The following RXFP1 variants were observed in gnomAD, a reference collection of about 807,000 sequenced individuals.
The protein encoded by RXFP1 is relaxin receptor 1.
A neutral mutation model predicts 89.8 loss-of-function variants in RXFP1; 73 were observed. The observed-to-expected ratio is 0.81, with a 90% CI of 0.67 to 0.99. The LOEUF is 0.99. Ranked by LOEUF, RXFP1 falls within the 50% of genes least tolerant of loss-of-function variation. The pLI, the probability that RXFP1 is intolerant of heterozygous loss-of-function variation, is 0.00. For missense variants in RXFP1, 793 were observed against 895.5 expected, an observed-to-expected ratio of 0.89 and a Z score of 1.46; for synonymous variants, 277 against 305.5, an observed-to-expected ratio of 0.91 and a Z score of 0.97.
intron 1 of RXFP1, among the ~76,000 whole-genome samples, chr4:158,568,033 A>G (rs1467053103): frequency 1.3e-5 from 2 of 152,156 alleles, no homozygotes; most frequent in Non-Finnish European, 2.9e-5. Flanking sequence ...AGCCATCAAG[A>G]CCACGAACCC....
intron 1 of RXFP1, among the ~76,000 whole-genome samples, chr4:158,538,025 C>T (rs905201393): frequency 1.3e-5 from 2 of 152,164 alleles, no homozygotes; most frequent in Non-Finnish European, 2.9e-5. Context: ...ACTCAAGACT[C>T]TAAAGTCAGA....
At chr4:158,523,313 C>A (rs1243703492) in intron 1 of RXFP1, among the ~76,000 whole-genome samples, 5 of 152,006 alleles carry the variant, frequency 3.3e-5, no homozygotes, top group Admixed American at 1.3e-4. Context: ...ATTAAATAAG[C>A]CAGAGGAATA....
chr4:158,619,330 G>T (rs558806225), intron 9 of RXFP1, among the ~76,000 whole-genome samples: 39 of 152,278 alleles, frequency 2.6e-4, no homozygotes, highest in African/African-American at 8.9e-4. Context: ...ATTTTGTGGA[G>T]CCCATCAGTA....
chr4:158,571,826 CAGCAGCTGTACCTGGA>C (rs1180697382), intron 1 of RXFP1, among the ~76,000 whole-genome samples: 1 of 152,178 alleles, frequency 6.6e-6, no homozygotes, highest in African/African-American at 2.4e-5. Context: ...ATGTAAATGT[CAGCAGCTGTACCTGGA>C]AGCCAGATAC....
intron 10 of RXFP1, 137 bp downstream of exon 10, chr4:158,627,028 T>C: frequency 2.2e-6 from 1 of 462,440 alleles, no homozygotes; most frequent in South Asian, 4.3e-5. Flanking sequence ...AAACACTAAA[T>C]TGAAGTCTTA....
chr4:158,628,509 T>C (rs1418959547), intron 10 of RXFP1, 129 bp from the exon 11 acceptor site: 2 of 425,768 alleles, frequency 4.7e-6, no homozygotes, highest in Non-Finnish European at 4.3e-6. Context: ...TTTATACTAC[T>C]TCAAAATGTC....
chr4:158,647,294 T>A, intron 16 of RXFP1, 93 bp downstream of exon 16: 1 of 1,028,378 alleles, frequency 9.7e-7, no homozygotes, highest in Non-Finnish European at 1.4e-6. Context: ...TCTATCAGAA[T>A]CCCCAGCAAG....
At chr4:158,531,532 C>A (rs1744046656) in intron 1 of RXFP1, among the ~76,000 whole-genome samples, 1 of 152,086 alleles carries the variant, frequency 6.6e-6, no homozygotes, top group Non-Finnish European at 1.5e-5. Flanking sequence ...GGTTTTTGTC[C>A]TTTTTTTCCT....
intron 1 of RXFP1, among the ~76,000 whole-genome samples, chr4:158,571,049 C>T (rs900154713): frequency 6.6e-5 from 10 of 152,184 alleles, no homozygotes; most frequent in Admixed American, 5.9e-4. Context: ...ACAGCGGCCT[C>T]CCTCTAACTA....
chr4:158,653,334 G>A lies in RXFP1; in HGVS notation c.*1279G>A, dbSNP rs962273442. 6.6e-6 allele frequency: 1 copy of A among 152,156 alleles called. No individual in the cohort carries two copies. The highest frequency in any genetic ancestry group is 1.5e-5 in the Non-Finnish European group (1 of 68,028). The allele number at this position is 152,156 out of a possible 1,614,324, so 9.4% of individuals were successfully genotyped here. A position where few individuals can be genotyped will look rare whatever the true frequency, so the allele number is the denominator to read the frequency against. On this transcript the variant is annotated 3_prime_UTR_variant, in exon 18 of 18. Transcript: ENST00000307765. The stretch of plus-strand genomic sequence containing the variant: ...ATTGAATATATAGTTGTATAGATTT[G>A]TTCTGAAAATAAATTATCTGAAATT...
At chr4:158,542,287 A>G (rs2149836725) in intron 1 of RXFP1, among the ~76,000 whole-genome samples, 1 of 151,212 alleles carries the variant, frequency 6.6e-6, no homozygotes, top group South Asian at 2.1e-4. Context: ...CACACATTGC[A>G]TTCAGCGGCC....
intron 1 of RXFP1, among the ~76,000 whole-genome samples, chr4:158,538,766 T>G (rs1745882107): frequency 6.8e-6 from 1 of 147,166 alleles, no homozygotes; most frequent in South Asian, 2.1e-4. Context: ...ATCGCGCCAT[T>G]GCACTCCAGC....
chr4:158,610,806 T>G, intron 6 of RXFP1: 1 of 870,678 alleles, frequency 1.1e-6, no homozygotes, highest in Non-Finnish European at 1.6e-6. Context: ...GGCTCCAGGT[T>G]TGCAAAGGAG....
At chr4:158,633,326 A>G (rs1338292801) in intron 11 of RXFP1, 79 bp from the exon 12 acceptor site, 4 of 917,528 alleles carry the variant, frequency 4.4e-6, no homozygotes, top group Non-Finnish European at 7.1e-6. Context: ...AAAGTTGTAT[A>G]GTGGTTTCCT....
intron 17 of RXFP1, among the ~76,000 whole-genome samples, chr4:158,649,410 T>A (rs918172385): frequency 6.6e-6 from 1 of 152,182 alleles, no homozygotes; most frequent in African/African-American, 2.4e-5. Flanking sequence ...GAGAAGATCA[T>A]GCCAGAGTGT....
chr4:158,522,467 A>T (rs550676679), intron 1 of RXFP1, among the ~76,000 whole-genome samples: 1 of 152,114 alleles, frequency 6.6e-6, no homozygotes, highest in African/African-American at 2.4e-5. Flanking sequence ...GGGCAGGGAG[A>T]TGCATTCATA....
chr4:158,554,541 A>G (rs1027999444), intron 1 of RXFP1, among the ~76,000 whole-genome samples: 12 of 152,306 alleles, frequency 7.9e-5, no homozygotes, highest in African/African-American at 2.6e-4. Context: ...TGAACAACTT[A>G]TTATATCAGT....
intron 2 of RXFP1, among the ~76,000 whole-genome samples, chr4:158,591,384 T>C (rs1429658556): frequency 6.6e-6 from 1 of 152,036 alleles, no homozygotes; most frequent in Non-Finnish European, 1.5e-5. Flanking sequence ...TGTTCCTGGG[T>C]GTTCAGGGGC....
chr4:158,639,708 A>G (rs1769987272), intron 14 of RXFP1, among the ~76,000 whole-genome samples: 1 of 152,134 alleles, frequency 6.6e-6, no homozygotes, highest in South Asian at 2.1e-4. Context: ...CGTCTCTACT[A>G]AAAATACAAA....
Sources: gnomAD v4.1 joint callset for allele counts (sites outside exome capture counted in the v4.1 genomes callset) on GRCh38, gnomAD v4.1.1 for gene constraint, MANE v1.5 for transcripts, NCBI Gene and HGNC (gene_info 2026-07-23, HGNC 2026-07-21) for gene names.